The following SBSPON variants were observed in gnomAD, a reference collection of about 807,000 sequenced individuals.
The protein encoded by SBSPON is somatomedin-B and thrombospondin type-1 domain-containing protein.
SBSPON carries 30 observed loss-of-function variants against 35.8 expected under a neutral mutation model. That is an observed-to-expected ratio of 0.84 (90% CI 0.63 to 1.14). The LOEUF (loss-of-function observed/expected upper bound fraction) is 1.14. Among genes scored for constraint, SBSPON ranks in the 50% most tolerant of loss-of-function variants. The probability of loss-of-function intolerance (pLI) is 0.00; values close to 1 mark genes in which losing one functional copy is unlikely to be tolerated. For missense variants in SBSPON, 364 were observed against 357.7 expected (o/e 1.02, Z -0.14); for synonymous variants, 136 against 135.9 (o/e 1.00, Z 0.00).
chr8:73,089,622 G>A (rs1427578278), intron 1 of SBSPON, among the ~76,000 whole-genome samples: 1 of 152,156 alleles, frequency 6.6e-6, no homozygotes, highest in South Asian at 2.1e-4. Flanking sequence ...TCTGGCACAT[G>A]GTGTGAGTTG....
chr8:73,071,165 C>T (rs1348047337), intron 3 of SBSPON, among the ~76,000 whole-genome samples: 1 of 152,196 alleles, frequency 6.6e-6, no homozygotes, highest in African/African-American at 2.4e-5. Context: ...CCTCAGGCAT[C>T]TCTTCAATGT....
Position 73,081,162 on chromosome 8 carries a change from T to C in SBSPON, c.266A>G (p.Gln89Arg), listed in dbSNP as rs546221221. 1.2e-6 allele frequency: 2 copies of C among 1,609,966 alleles called. No individual in the cohort carries two copies. The highest frequency in any genetic ancestry group is 2.2e-5 in the East Asian group (1 of 44,660). ...CCGCACACGGGTTGTAGGCTTGCAC[T>C]GGTCTGCACAACCACTCCAGGGGCT... ...EWSPWSGCADQCKPTTRVRRR... is the reference protein window; with the variant it reads ...EWSPWSGCADRCKPTTRVRRR... Residue 89 changes from glutamine (Q) to arginine (R), a missense_variant, in exon 2 of 5, where the codon CAG (glutamine) becomes CGG (arginine). Physicochemically the swap from Gln to Arg is conservative, Grantham distance 43. Coordinates refer to ENST00000297354, the MANE Select transcript of SBSPON (RefSeq NM_153225.4).
Position 73,075,375 on chromosome 8 carries a change from CA to C in SBSPON, c.410-3506del, listed in dbSNP as rs957724497. ...GCATCACTTTTTAATACACCCCCCC[CA>C]AATTCACTTTTCATTACTTAAGTAA... On this transcript the variant is annotated intron_variant, in intron 2 of 4. Coordinates refer to ENST00000297354, the MANE Select transcript of SBSPON (RefSeq NM_153225.4). 1.3e-4 allele frequency among the ~76,000 whole-genome samples: 20 copies of C among 152,322 alleles called. 1 individual carries two copies. The highest frequency in any genetic ancestry group is 4.1e-4 in the African/African-American group (17 of 41,558).
In SBSPON at chr8:73,093,162, C is replaced by T. The variant is rs28510649; in HGVS notation, c.-95G>A. The T allele has an allele frequency of 0.27, 146,792 of 545,422 alleles. 20,884 individuals are homozygous for T. Among genetic ancestry groups the T allele is most frequent in the Middle Eastern group, 0.4 (631 of 1,562 alleles). 33.8% of individuals were successfully genotyped at this position (545,422 alleles called of 1,614,324 possible). On this transcript the variant is annotated 5_prime_UTR_variant, in exon 1 of 5. Coordinates refer to ENST00000297354, the MANE Select transcript of SBSPON (RefSeq NM_153225.4). ...GCGGCCCGGGAGCTGCCCGAGCGGC[C>T]GGCGAGGCACAGCCGGGCCCTGCCC...
At position 73,092,974 on chromosome 8, in the gene SBSPON, G is replaced by A; in HGVS notation, c.94C>T (p.Arg32Trp). 1 of 1,586,576 alleles carries A rather than the reference G, an allele frequency of 6.3e-7. No individual in the cohort carries two copies. Among genetic ancestry groups the A allele is most frequent in the Non-Finnish European group, 8.6e-7 (1 of 1,169,178 alleles). The change falls in exon 1 of 5, where the codon CGG (arginine) becomes TGG (tryptophan). Residue 32 changes from arginine to tryptophan, a missense_variant. Coordinates refer to ENST00000297354, the MANE Select transcript of SBSPON (RefSeq NM_153225.4). ...CCGCGGGCGAAGCAGGCGGGGTCCC[G>A]GCCGGGACAGCAGCGCCCGGCCTCG... is the stretch of plus-strand genomic sequence containing the variant. ...CAEAGRCCPG[R>W]DPACFARGWR...
At chr8:73,078,379 G>A (rs1046903395) in intron 2 of SBSPON, among the ~76,000 whole-genome samples, 6 of 152,170 alleles carry the variant, frequency 3.9e-5, no homozygotes, top group African/African-American at 1.4e-4. Flanking sequence ...GCCCTACCTC[G>A]AGTAGAGATT....
intron 1 of SBSPON, chr8:73,085,505 G>A (rs979543149): frequency 1.3e-5 from 2 of 151,474 alleles, no homozygotes; most frequent in Non-Finnish European, 2.9e-5. Context: ...TCATGGTTTG[G>A]GGAGGTCTCC....
intron 1 of SBSPON, among the ~76,000 whole-genome samples, chr8:73,090,458 G>A (rs60527815): frequency 0.016 from 2,379 of 152,358 alleles, 39 homozygotes; most frequent in African/African-American, 0.054. Flanking sequence ...GGCGGTGACC[G>A]CCCTGCCCAG....
chr8:73,066,171 A>G lies in SBSPON; in HGVS notation c.*1170T>C, dbSNP rs1354564218. ...TTTACATCTCAAGACTCAATTCTCT[A>G]AACTAAATATCTTGAATTTAAAATT... On this transcript the variant is annotated 3_prime_UTR_variant, in exon 5 of 5. Coordinates refer to ENST00000297354, the MANE Select transcript of SBSPON (RefSeq NM_153225.4). 1 of 152,198 alleles carries G rather than the reference A, an allele frequency of 6.6e-6. No individual in the cohort carries two copies. Among genetic ancestry groups the G allele is most frequent in the East Asian group, 1.9e-4 (1 of 5,190 alleles). 9.4% of individuals were successfully genotyped at this position (152,198 alleles called of 1,614,324 possible).
At chr8:73,081,345 G>A (rs1473712257) in intron 1 of SBSPON, 132 bp from the exon 2 acceptor site, 13 of 652,638 alleles carry the variant, frequency 2.0e-5, no homozygotes, top group East Asian at 6.3e-5. Flanking sequence ...ATCAGGAGAC[G>A]CACACAAAGC....
chr8:73,077,149 A>G (rs895059846), intron 2 of SBSPON, among the ~76,000 whole-genome samples: 1 of 152,032 alleles, frequency 6.6e-6, no homozygotes, highest in Non-Finnish European at 1.5e-5. Context: ...CAGGTGATCC[A>G]CTCACCTCGA....
At chr8:73,078,709 T>G (rs1810640968) in intron 2 of SBSPON, among the ~76,000 whole-genome samples, 1 of 152,206 alleles carries the variant, frequency 6.6e-6, no homozygotes, top group South Asian at 2.1e-4. Context: ...GTGTACTGTC[T>G]CTGCAAAGTG....
At chr8:73,090,517 G>A (rs1293837470) in intron 1 of SBSPON, among the ~76,000 whole-genome samples, 1 of 152,188 alleles carries the variant, frequency 6.6e-6, no homozygotes, top group African/African-American at 2.4e-5. Context: ...TGAGCAGGCT[G>A]GGCCTCTCGG....
chr8:73,072,001 GT>G, intron 2 of SBSPON, 131 bp from the exon 3 acceptor site: 1 of 635,968 alleles, frequency 1.6e-6, no homozygotes, highest in African/African-American at 1.8e-5. Context: ...CCATCAAGGT[GT>G]GAAATGAGGC....
At chr8:73,076,467 C>T (rs748674266) in intron 2 of SBSPON, among the ~76,000 whole-genome samples, 2 of 151,880 alleles carry the variant, frequency 1.3e-5, no homozygotes, top group African/African-American at 2.4e-5. Context: ...GCCAGCAGGG[C>T]GAAACCCCAT....
intron 2 of SBSPON, chr8:73,074,459 C>A (rs552651893): frequency 7.6e-6 from 2 of 262,882 alleles, no homozygotes; most frequent in Admixed American, 1.3e-4. Context: ...TATTATTTCC[C>A]CATTTCACAG....
At chr8:73,087,912 C>G (rs973321037) in intron 1 of SBSPON, among the ~76,000 whole-genome samples, 3 of 152,200 alleles carry the variant, frequency 2.0e-5, no homozygotes, top group Non-Finnish European at 4.4e-5. Context: ...ACCTCATAAG[C>G]AAGTTTTCCA....
chr8:73,092,754 C>A (rs996369022), intron 1 of SBSPON, 100 bp downstream of exon 1: 6 of 877,248 alleles, frequency 6.8e-6, no homozygotes, highest in South Asian at 5.9e-5. Context: ...GTCTGGAGGA[C>A]ACCTGGCTCA....
chr8:73,073,358 A>G (rs1375768723), intron 2 of SBSPON, among the ~76,000 whole-genome samples: 5 of 152,240 alleles, frequency 3.3e-5, no homozygotes, highest in Non-Finnish European at 7.3e-5. Flanking sequence ...AGTCATCATC[A>G]ACATGAACTC....
Sources: gnomAD v4.1 joint callset for allele counts (sites outside exome capture counted in the v4.1 genomes callset) on GRCh38, gnomAD v4.1.1 for gene constraint, MANE v1.5 for transcripts, NCBI Gene and HGNC (gene_info 2026-07-23, HGNC 2026-07-21) for gene names.